Variants in ZNF564 observed in about 807,000 individuals in gnomAD.
The protein encoded by ZNF564 is zinc finger protein 564.
ZNF564 carries 5 observed loss-of-function variants against 10.5 expected under a neutral mutation model. That is an observed-to-expected ratio of 0.48 (90% CI 0.25 to 1.00). The LOEUF (loss-of-function observed/expected upper bound fraction) is 1.00, where lower values mean the gene tolerates loss of function less well. Among genes scored for constraint, ZNF564 ranks in the 50% least tolerant of loss-of-function variants. The pLI is 0.16. For missense variants in ZNF564, 603 were observed against 669.7 expected (o/e 0.90, Z 1.10); for synonymous variants, 242 against 218.1 (o/e 1.11, Z -0.97).
intron 1 of ZNF564, among the ~76,000 whole-genome samples, chr19:12,538,506 A>T (rs1448364975): frequency 3.3e-5 from 5 of 152,054 alleles, no homozygotes; most frequent in African/African-American, 4.8e-5. Flanking sequence ...GGCACCTGTA[A>T]TCCCAGCTAC....
intron 1 of ZNF564, among the ~76,000 whole-genome samples, chr19:12,550,872 G>A (rs2022243886): frequency 6.6e-6 from 1 of 152,168 alleles, no homozygotes; most frequent in Non-Finnish European, 1.5e-5. Flanking sequence ...TAAAAAAAAC[G>A]GGAGTCGTAG....
intron 1 of ZNF564, among the ~76,000 whole-genome samples, chr19:12,536,226 G>C (rs1237726800): frequency 1.3e-5 from 2 of 152,046 alleles, no homozygotes; most frequent in East Asian, 3.8e-4. Flanking sequence ...ACCCAGATTG[G>C]AGTGCAGTGG....
rs777803536 is a variant in ZNF564, at chr19:12,551,457, ACGCAG to A, written c.-130_-126del. On this transcript the variant is annotated 5_prime_UTR_variant, in exon 1 of 4. Coordinates refer to ENST00000339282, the MANE Select transcript of ZNF564 (RefSeq NM_144976.4). Reference sequence around the variant, plus strand: ...TGGAGAAGCGGAGACCGGAACCCAAACGCAGCGGACACGAAACAGGAAGACCCCGC... The same window carrying A: ...TGGAGAAGCGGAGACCGGAACCCAAACGGACACGAAACAGGAAGACCCCGC... 2 of 1,429,936 alleles carry A rather than the reference ACGCAG, an allele frequency of 1.4e-6. No individual in the cohort carries two copies. Among genetic ancestry groups the A allele is most frequent in the Non-Finnish European group, 1.8e-6 (2 of 1,091,450 alleles). The allele number at this position is 1,429,936 out of a possible 1,614,324, so 88.6% of individuals were successfully genotyped here.
At chr19:12,540,782 A>G (rs1049767171) in intron 1 of ZNF564, among the ~76,000 whole-genome samples, 5 of 151,960 alleles carry the variant, frequency 3.3e-5, no homozygotes, top group Admixed American at 6.6e-5. Flanking sequence ...TGAACTCGGG[A>G]GGCAGAGCTT....
chr19:12,548,541 G>A (rs569157154), intron 1 of ZNF564, among the ~76,000 whole-genome samples: 11 of 152,146 alleles, frequency 7.2e-5, no homozygotes, highest in African/African-American at 1.9e-4. Context: ...TAGTAGAGAC[G>A]GGGTTTCACC....
intron 1 of ZNF564, chr19:12,548,840 T>A (rs538196087): frequency 1.4e-6 from 1 of 702,930 alleles, no homozygotes; most frequent in African/African-American, 1.7e-5. Context: ...AGAACAGTTA[T>A]CCATTACGAC....
intron 1 of ZNF564, among the ~76,000 whole-genome samples, chr19:12,538,902 C>G (rs1218317336): frequency 6.6e-6 from 1 of 151,942 alleles, no homozygotes; most frequent in Non-Finnish European, 1.5e-5. Context: ...ATAATCATAA[C>G]TAATACACTA....
chr19:12,529,856 C>T (rs1195451900), intron 1 of ZNF564: 1 of 151,832 alleles, frequency 6.6e-6, no homozygotes. Flanking sequence ...TGGTGGTGGG[C>T]ACCTGTAATA....
At chr19:12,551,050 A>G (rs954627341) in intron 1 of ZNF564, among the ~76,000 whole-genome samples, 1 of 152,218 alleles carries the variant, frequency 6.6e-6, no homozygotes, top group African/African-American at 2.4e-5. Context: ...CAGTACAAAC[A>G]ATCTGGAGAG....
At position 12,527,185 on chromosome 19, in the gene ZNF564, G is replaced by A. The variant is rs766000519; in HGVS notation, c.923C>T (p.Pro308Leu). Reference protein sequence around the residue: ...SHMIRHTGDGPYKCKVCGRAF... With the variant: ...SHMIRHTGDGLYKCKVCGRAF... ...TCTCCCACATACTTTACATTTATAA[G>A]GTCCATCCCCAGTGTGCCTAATCAT... Residue 308 changes from proline (P) to leucine (L), a missense_variant, in exon 4 of 4, where the codon CCT becomes CTT. Physicochemically the swap from Pro to Leu is moderately conservative, Grantham distance 98. Transcript: ENST00000339282. The A allele has an allele frequency of 6.2e-7, 1 of 1,614,146 alleles. No individual in the cohort carries two copies. The highest frequency in any genetic ancestry group is 1.1e-5 in the South Asian group (1 of 91,086).
At position 12,525,545 on chromosome 19, in the gene ZNF564, C is replaced by G. The variant is rs2021665651; in HGVS notation, c.*901G>C. ...AATCCTAATGAGATGCTATGTATGT[C>G]TTGAGTTTGATTTGTATTTCCCTAA... is the stretch of plus-strand genomic sequence containing the variant. On this transcript the variant is annotated 3_prime_UTR_variant, in exon 4 of 4. Transcript: ENST00000339282. The G allele has an allele frequency of 6.6e-6, 1 of 152,110 alleles. No homozygotes were observed. Among genetic ancestry groups the G allele is most frequent in the Non-Finnish European group, 1.5e-5 (1 of 68,040 alleles). 9.4% of individuals were successfully genotyped at this position (152,110 alleles called of 1,614,324 possible). A position where few individuals can be genotyped will look rare whatever the true frequency, so the allele number is the denominator to read the frequency against.
At chr19:12,549,317 A>T (rs989574541) in intron 1 of ZNF564, among the ~76,000 whole-genome samples, 1 of 152,162 alleles carries the variant, frequency 6.6e-6, no homozygotes, top group Non-Finnish European at 1.5e-5. Context: ...GCTGACCTGG[A>T]ATACAGACAT....
At chr19:12,533,876 T>C (rs2021857550) in intron 1 of ZNF564, among the ~76,000 whole-genome samples, 1 of 129,656 alleles carries the variant, frequency 7.7e-6, no homozygotes, top group Non-Finnish European at 1.7e-5. Context: ...TCAATAGAGA[T>C]TAAAAAAAAA....
intron 1 of ZNF564, among the ~76,000 whole-genome samples, chr19:12,536,342 A>T (rs2021912969): frequency 6.6e-6 from 1 of 152,000 alleles, no homozygotes; most frequent in Non-Finnish European, 1.5e-5. Flanking sequence ...ATGCTCAGGA[A>T]ATTTTTGTAT....
In ZNF564 at chr19:12,527,451, G is replaced by A. The variant is rs760323733; in HGVS notation, c.657C>T (p.His219=). The change falls in exon 4 of 4, where the codon CAC becomes CAT. Residue 219 remains histidine, a synonymous_variant. Transcript: ENST00000339282. The part of the protein sequence containing the change: ...PSLFQIHERT[H]TGEKPYECQE... Reference sequence around the variant, plus strand: ...GACATTCATAGGGTTTCTCTCCAGTGTGAGTTCTTTCATGTATCTGAAATA... The same window carrying A: ...GACATTCATAGGGTTTCTCTCCAGTATGAGTTCTTTCATGTATCTGAAATA... The A allele has an allele frequency of 6.2e-7, 1 of 1,613,630 alleles. No individual in the cohort carries two copies. Among genetic ancestry groups the A allele is most frequent in the Non-Finnish European group, 8.5e-7 (1 of 1,179,848 alleles).
intron 1 of ZNF564, chr19:12,548,172 C>T (rs1025837233): frequency 1.0e-6 from 1 of 980,716 alleles, no homozygotes; most frequent in Admixed American, 6.2e-5. Flanking sequence ...CTCAAACTTA[C>T]CATTTATGTA....
chr19:12,541,066 C>CAAAAAAA (rs35848835), intron 1 of ZNF564, among the ~76,000 whole-genome samples: 2 of 59,724 alleles, frequency 3.3e-5, no homozygotes, highest in Non-Finnish European at 5.7e-5. Flanking sequence ...CCTGTCTCTA[C>CAAAAAAA]AAAAAAAAAA....
chr19:12,536,802 C>A (rs1041101997), intron 1 of ZNF564, among the ~76,000 whole-genome samples: 1 of 152,102 alleles, frequency 6.6e-6, no homozygotes, highest in Non-Finnish European at 1.5e-5. Context: ...AAGTCTTATT[C>A]TCATTGGTAA....
chr19:12,551,189 A>G (rs2022251817), intron 1 of ZNF564, 141 bp downstream of exon 1: 3 of 963,244 alleles, frequency 3.1e-6, no homozygotes, highest in Non-Finnish European at 3.2e-6. Context: ...CCGAGGGGAC[A>G]GAGGGCCGAG....
Sources: allele counts gnomAD v4.1 joint callset (sites outside exome capture counted in the v4.1 genomes callset), GRCh38; gene constraint gnomAD v4.1.1; transcripts MANE v1.5; gene names NCBI Gene and HGNC (gene_info 2026-07-23, HGNC 2026-07-21).